The following ECHDC2 variants were observed in gnomAD, a reference collection of about 807,000 sequenced individuals.
The protein encoded by ECHDC2 is enoyl-CoA hydratase domain-containing protein 2, mitochondrial.
A neutral mutation model predicts 40.6 loss-of-function variants in ECHDC2; 34 were observed. The ratio of observed to expected loss-of-function variants is 0.84; its 90% confidence interval spans 0.64 to 1.11. ECHDC2 has a LOEUF of 1.11. ECHDC2 is among the 50% of genes most tolerant of loss of function. ECHDC2 has a pLI of 0.00. For synonymous variants in ECHDC2, 162 were observed against 166.6 expected (o/e 0.97, Z 0.21); for missense variants, 392 against 400.7 (o/e 0.98, Z 0.19).
chr1:52,896,637 G>A, intron 9 of ECHDC2, 40 bp from the exon 10 acceptor site: 1 of 1,537,444 alleles, frequency 6.5e-7, no homozygotes, highest in Non-Finnish European at 9.0e-7. Context: ...GGGGAGCAGG[G>A]CCACAGGCCC....
intron 7 of ECHDC2, among the ~76,000 whole-genome samples, chr1:52,903,304 T>A (rs1647106713): frequency 6.6e-6 from 1 of 152,174 alleles, no homozygotes; most frequent in South Asian, 2.1e-4. Flanking sequence ...TGGCTTTTGG[T>A]TACATGGATA....
intron 1 of ECHDC2, among the ~76,000 whole-genome samples, chr1:52,919,136 C>T (rs998958797): frequency 6.6e-5 from 10 of 152,044 alleles, no homozygotes; most frequent in South Asian, 2.1e-4. Flanking sequence ...ACCATCTGTC[C>T]GCCCGCAAGT....
At chr1:52,912,067 G>T in intron 1 of ECHDC2, 1 of 1,369,970 alleles carries the variant, frequency 7.3e-7, no homozygotes, top group Non-Finnish European at 9.4e-7. Flanking sequence ...TACCACAGTA[G>T]CCCTTGCCTG....
At chr1:52,899,327 G>T (rs1571909628) in intron 7 of ECHDC2, 103 bp from the exon 8 acceptor site, 1 of 1,103,162 alleles carries the variant, frequency 9.1e-7, no homozygotes, top group Non-Finnish European at 1.3e-6. Context: ...AGATGTCTGG[G>T]TCTGGTTCCA....
intron 3 of ECHDC2, 106 bp downstream of exon 3, chr1:52,911,460 T>C: frequency 1.8e-6 from 2 of 1,089,564 alleles, no homozygotes; most frequent in Non-Finnish European, 2.7e-6. Context: ...ATCGGTAAAA[T>C]GGCAACAATG....
At chr1:52,915,311 T>A (rs774300561) in intron 1 of ECHDC2, 2 of 456,038 alleles carry the variant, frequency 4.4e-6, no homozygotes, top group South Asian at 3.1e-5. Context: ...AAGCAGTGTT[T>A]ATGAAGTTGG....
At chr1:52,915,940 T>C (rs1175629842) in intron 1 of ECHDC2, among the ~76,000 whole-genome samples, 6 of 152,148 alleles carry the variant, frequency 3.9e-5, no homozygotes, top group African/African-American at 1.4e-4. Context: ...CAACCTCTAA[T>C]TGCTGAGAGT....
intron 3 of ECHDC2, among the ~76,000 whole-genome samples, chr1:52,911,266 T>C (rs1158140629): frequency 1.3e-5 from 2 of 152,210 alleles, no homozygotes. Flanking sequence ...TGTGAGCCAC[T>C]GTACCCGTCT....
At chr1:52,903,850 C>T (rs114103038) in intron 7 of ECHDC2, among the ~76,000 whole-genome samples, 2,889 of 148,372 alleles carry the variant, frequency 0.019, 36 homozygotes, top group Middle Eastern at 0.056. Flanking sequence ...GATGAAGTCT[C>T]GTCCTGTCGC....
At chr1:52,905,198 C>T (rs1647466841) in intron 5 of ECHDC2, 108 bp from the exon 6 acceptor site, 8 of 1,267,970 alleles carry the variant, frequency 6.3e-6, no homozygotes, top group South Asian at 1.3e-5. Flanking sequence ...TAGCCACTTG[C>T]CCCATGGTCT....
chr1:52,900,528 GTCC>G (rs1646923447), intron 7 of ECHDC2: 1 of 152,106 alleles, frequency 6.6e-6, no homozygotes, highest in African/African-American at 2.4e-5. Flanking sequence ...GATATTTCTT[GTCC>G]TCTAAGCCAT....
intron 1 of ECHDC2, among the ~76,000 whole-genome samples, chr1:52,916,902 C>T (rs539406331): frequency 7.2e-5 from 11 of 152,270 alleles, no homozygotes; most frequent in African/African-American, 2.4e-4. Flanking sequence ...GGGTCACAGG[C>T]GAGGTGTTGT....
chr1:52,899,584 C>CT (rs1318911889), intron 7 of ECHDC2: 1 of 245,184 alleles, frequency 4.1e-6, no homozygotes, highest in Non-Finnish European at 7.9e-6. Flanking sequence ...GATTTTACAG[C>CT]TGTGAGATTG....
At chr1:52,908,929 C>CAAAAAAAAA (rs34090739) in intron 3 of ECHDC2, among the ~76,000 whole-genome samples, 1 of 43,850 alleles carries the variant, frequency 2.3e-5, no homozygotes, top group Non-Finnish European at 5.1e-5. Context: ...GACAGAGTCT[C>CAAAAAAAAA]AAAAAAAAAA....
chr1:52,912,193 G>T, intron 1 of ECHDC2: 1 of 339,662 alleles, frequency 2.9e-6, no homozygotes, highest in Non-Finnish European at 4.3e-6. Flanking sequence ...TATTTTTGGC[G>T]GGGGAGAGTT....
intron 1 of ECHDC2, among the ~76,000 whole-genome samples, chr1:52,919,867 A>C (rs1230758016): frequency 1.3e-5 from 2 of 152,212 alleles, no homozygotes; most frequent in Non-Finnish European, 2.9e-5. Flanking sequence ...GCAGGGGCAG[A>C]GGCTTAATCT....
chr1:52,897,399 CTA>C (rs758200453), intron 9 of ECHDC2, 36 bp downstream of exon 9: 1 of 1,610,904 alleles, frequency 6.2e-7, no homozygotes, highest in South Asian at 1.1e-5. Flanking sequence ...CTGGCCCAGC[CTA>C]TGTTAACAAG....
chr1:52,912,038 G>T, intron 1 of ECHDC2: 1 of 1,406,742 alleles, frequency 7.1e-7, no homozygotes, highest in Non-Finnish European at 9.2e-7. Flanking sequence ...AGCAAAATGG[G>T]GAGAGGAACA....
At chr1:52,896,893 A>G (rs1471235619) in intron 9 of ECHDC2, 2 of 362,270 alleles carry the variant, frequency 5.5e-6, no homozygotes, top group East Asian at 8.9e-5. Flanking sequence ...GAGGCTGCTC[A>G]GTAGAGAAAA....
Sources: allele counts gnomAD v4.1 joint callset (sites outside exome capture counted in the v4.1 genomes callset), GRCh38; gene constraint gnomAD v4.1.1; transcripts MANE v1.5; gene names NCBI Gene and HGNC (gene_info 2026-07-23, HGNC 2026-07-21).